PDE6D: variants seen among roughly 807,000 people sequenced by gnomAD.
PDE6D encodes the protein retinal rod rhodopsin-sensitive cGMP 3',5'-cyclic phosphodiesterase subunit delta.
PDE6D carries 10 observed loss-of-function variants against 21.9 expected under a neutral mutation model. The observed-to-expected ratio is 0.46, with a 90% CI of 0.28 to 0.78. The LOEUF (loss-of-function observed/expected upper bound fraction) is 0.78. PDE6D is among the 30% of genes least tolerant of loss of function. The probability of loss-of-function intolerance (pLI) is 0.12; values close to 1 mark genes in which losing one functional copy is unlikely to be tolerated. For synonymous variants in PDE6D, 59 were observed against 63.5 expected, an observed-to-expected ratio of 0.93 and a Z score of 0.34; for missense variants, 139 against 184.8, an observed-to-expected ratio of 0.75 and a Z score of 1.44.
At chr2:231,734,686 A>AT (rs1161846144) in intron 4 of PDE6D, among the ~76,000 whole-genome samples, 6 of 91,444 alleles carry the variant, frequency 6.6e-5, no homozygotes, top group Non-Finnish European at 1.1e-4. Context: ...CTAAAAATAT[A>AT]AAAAAAAAAA....
chr2:231,769,623 C>G (rs1482579233), intron 1 of PDE6D, among the ~76,000 whole-genome samples: 6 of 151,858 alleles, frequency 4.0e-5, no homozygotes, highest in Non-Finnish European at 7.4e-5. Flanking sequence ...CACAAACACA[C>G]AGTTTCTAGA....
At chr2:231,745,571 AGAG>A (rs2048787499) in intron 1 of PDE6D, among the ~76,000 whole-genome samples, 3 of 152,234 alleles carry the variant, frequency 2.0e-5, no homozygotes, top group Non-Finnish European at 4.4e-5. Flanking sequence ...CCTCCTGCTT[AGAG>A]GAGATCGGGC....
chr2:231,775,038 G>C (rs1239437057), intron 1 of PDE6D, among the ~76,000 whole-genome samples: 1 of 151,760 alleles, frequency 6.6e-6, no homozygotes, highest in African/African-American at 2.4e-5. Context: ...TCTGCCTCTT[G>C]AGCAGCTGGG....
chr2:231,742,547 A>T (rs2048759082), intron 1 of PDE6D, among the ~76,000 whole-genome samples: 1 of 152,234 alleles, frequency 6.6e-6, no homozygotes, highest in Admixed American at 6.5e-5. Context: ...TTAAAGGAAA[A>T]GAAAATTAAC....
chr2:231,751,132 TAAA>T (rs530006427), intron 1 of PDE6D, among the ~76,000 whole-genome samples: 3 of 151,312 alleles, frequency 2.0e-5, no homozygotes, highest in African/African-American at 7.3e-5. Context: ...CTTTTTTTTT[TAAA>T]AATAAACATT....
chr2:231,740,669 A>C (rs1445809183), intron 1 of PDE6D, among the ~76,000 whole-genome samples: 1 of 137,712 alleles, frequency 7.3e-6, no homozygotes, highest in Non-Finnish European at 1.5e-5. Context: ...CGACAGAGGG[A>C]GACCCTGTCT....
intron 1 of PDE6D, among the ~76,000 whole-genome samples, chr2:231,768,954 C>T (rs780310033): frequency 2.6e-5 from 4 of 152,152 alleles, no homozygotes; most frequent in Non-Finnish European, 2.9e-5. Context: ...CTGCAACCTC[C>T]GCCTCCTGGG....
At chr2:231,757,649 T>G (rs965798706) in intron 1 of PDE6D, among the ~76,000 whole-genome samples, 1 of 152,206 alleles carries the variant, frequency 6.6e-6, no homozygotes, top group Admixed American at 6.5e-5. Flanking sequence ...AGGTAAAAAT[T>G]CAGTTATCCT....
chr2:231,745,239 A>G (rs946765652), intron 1 of PDE6D, among the ~76,000 whole-genome samples: 23 of 152,178 alleles, frequency 1.5e-4, no homozygotes, highest in African/African-American at 5.3e-4. Flanking sequence ...CACAAAAAAA[A>G]CCGAGGAAAC....
intron 1 of PDE6D, among the ~76,000 whole-genome samples, chr2:231,764,757 G>A (rs939232285): frequency 6.6e-6 from 1 of 152,196 alleles, no homozygotes; most frequent in Non-Finnish European, 1.5e-5. Context: ...CTGTGTCACA[G>A]TACTTATCGG....
At position 231,739,632 on chromosome 2, in the gene PDE6D, CCT is replaced by C. The variant is rs201568991; in HGVS notation, c.51-446_51-445del. Among the ~76,000 whole-genome samples, 833 of 139,012 alleles carry C rather than the reference CCT, an allele frequency of 6.0e-3. 6 individuals carry two copies. The highest frequency in any genetic ancestry group is 0.018 in the South Asian group (79 of 4,478). 91.2% of individuals were successfully genotyped at this position (139,012 alleles called of 152,430 possible). ...CTCTCAAATTGCTTTGTAGTGGCCC[CCT>C]CTGTTTTTTTTTTTTGAAACAGAGT... On this transcript the variant is annotated intron_variant, in intron 1 of 4. Transcript: ENST00000287600. This position sits in a 1 kb window ranked among gnomAD's most constrained non-coding sequence, Gnocchi z 4.2.
intron 1 of PDE6D, among the ~76,000 whole-genome samples, chr2:231,763,016 G>A (rs762444278): frequency 2.0e-5 from 3 of 152,130 alleles, no homozygotes; most frequent in Non-Finnish European, 4.4e-5. Context: ...ATGGAAAAAT[G>A]CACTGGTTCT....
intron 1 of PDE6D, among the ~76,000 whole-genome samples, chr2:231,755,000 G>A (rs1009922955): frequency 4.6e-5 from 7 of 152,138 alleles, no homozygotes; most frequent in African/African-American, 7.2e-5. Flanking sequence ...TTTGGGAGGT[G>A]ATGAGGCCAT....
chr2:231,763,079 T>C lies in PDE6D; in HGVS notation c.50+17986A>G, dbSNP rs189199644. On this transcript the variant is annotated intron_variant, in intron 1 of 4. Coordinates refer to ENST00000287600, the MANE Select transcript of PDE6D (RefSeq NM_002601.4). ...ATCCTAGCTACTATAGATCTGCTCA[T>C]GAGAGCAAGTTTAAATAAATAGGTT... is the stretch of plus-strand genomic sequence containing the variant. Among the ~76,000 whole-genome samples, 34 of 152,338 alleles carry C rather than the reference T, an allele frequency of 2.2e-4. No individual in the cohort carries two copies. In the East Asian group the frequency reaches 5.8e-3, roughly 26 times the overall value.
intron 1 of PDE6D, among the ~76,000 whole-genome samples, chr2:231,760,275 G>A (rs1339053482): frequency 6.6e-6 from 1 of 152,168 alleles, no homozygotes; most frequent in Non-Finnish European, 1.5e-5. Flanking sequence ...AACTTTGGCA[G>A]AAATGTATAC....
chr2:231,742,277 A>G (rs963330691), intron 1 of PDE6D, among the ~76,000 whole-genome samples: 2 of 152,066 alleles, frequency 1.3e-5, no homozygotes, highest in African/African-American at 4.8e-5. Context: ...ATGCACCACC[A>G]TGCCCGGCTA....
At chr2:231,772,277 C>A (rs979954655) in intron 1 of PDE6D, among the ~76,000 whole-genome samples, 1 of 152,140 alleles carries the variant, frequency 6.6e-6, no homozygotes, top group African/African-American at 2.4e-5. Flanking sequence ...GCTCCACTTT[C>A]CCCTGCCTCC....
At chr2:231,770,755 C>A (rs544021524) in intron 1 of PDE6D, among the ~76,000 whole-genome samples, 3 of 152,098 alleles carry the variant, frequency 2.0e-5, no homozygotes, top group Non-Finnish European at 4.4e-5. Flanking sequence ...GAGTTTGAGA[C>A]GGGTCTGGCC....
intron 1 of PDE6D, among the ~76,000 whole-genome samples, chr2:231,763,852 C>T (rs947338586): frequency 8.6e-5 from 13 of 151,554 alleles, no homozygotes; most frequent in African/African-American, 2.2e-4. Flanking sequence ...TTGCTCAGGC[C>T]GGTCTTGAAT....
Sources: allele counts gnomAD v4.1 joint callset (sites outside exome capture counted in the v4.1 genomes callset), GRCh38; gene constraint gnomAD v4.1.1; non-coding constraint Gnocchi (gnomAD v3.1); transcripts MANE v1.5; gene names NCBI Gene and HGNC (gene_info 2026-07-23, HGNC 2026-07-21).